Variants in LAMC1 observed in about 807,000 individuals in gnomAD.
LAMC1 encodes the protein laminin subunit gamma-1.
Under a neutral mutation model 173.6 loss-of-function variants are expected in LAMC1, and 38 were observed. That is an observed-to-expected ratio of 0.22 (90% CI 0.17 to 0.29). LAMC1 has a LOEUF of 0.29. Among genes scored for constraint, LAMC1 ranks in the 10% least tolerant of loss-of-function variants. The pLI is 1.00. For synonymous variants in LAMC1, 746 were observed against 749.1 expected, an observed-to-expected ratio of 1.00 and a Z score of 0.07; for missense variants, 1,824 against 2,051.8, an observed-to-expected ratio of 0.89 and a Z score of 2.14.
chr1:183,134,925 C>A, intron 23 of LAMC1, 116 bp downstream of exon 23: 1 of 1,345,152 alleles, frequency 7.4e-7, no homozygotes, highest in Non-Finnish European at 1.1e-6. Flanking sequence ...AGAGAGCAGC[C>A]TAACAGATTT....
At chr1:183,117,064 G>A in intron 8 of LAMC1, 161 bp downstream of exon 8, 1 of 771,836 alleles carries the variant, frequency 1.3e-6, no homozygotes, top group Non-Finnish European at 2.0e-6. Flanking sequence ...TTAATTTAAT[G>A]AAAATGTACT....
chr1:183,121,452 CAAAT>C (rs913844268), intron 11 of LAMC1, among the ~76,000 whole-genome samples: 2 of 151,988 alleles, frequency 1.3e-5, no homozygotes, highest in Non-Finnish European at 2.9e-5. Flanking sequence ...TATAAACAAA[CAAAT>C]AAATTAATAA....
chr1:183,081,818 T>C (rs1285316802), intron 1 of LAMC1, among the ~76,000 whole-genome samples: 1 of 152,168 alleles, frequency 6.6e-6, no homozygotes, highest in Non-Finnish European at 1.5e-5. Context: ...ATTCTAAGGA[T>C]TTGGACAAAT....
At chr1:183,131,865 A>G (rs994343601) in intron 20 of LAMC1, among the ~76,000 whole-genome samples, 3 of 152,258 alleles carry the variant, frequency 2.0e-5, no homozygotes, top group East Asian at 1.9e-4. Context: ...ATGTATACCA[A>G]TAATTTTTTT....
rs752610133 is a variant in LAMC1 at position 183,116,898 on chromosome 1, A to C, written c.1559A>C (p.Gln520Pro). 75 of 1,613,288 alleles carry C rather than the reference A, an allele frequency of 4.6e-5. No individual in the cohort carries two copies. Among genetic ancestry groups the C allele is most frequent in the Admixed American group, 8.3e-5 (5 of 59,938 alleles). The stretch of plus-strand genomic sequence containing the variant: ...GTTTATTCTATCTCCTCTACCTTTC[A>C]GATTGGTAATTTAGACCTCATCCCC... ...YSVYSISSTF[Q>P]IDEDGWRAEQ... The change falls in exon 8 of 28, where the codon CAG (glutamine) becomes CCG (proline). Residue 520 changes from glutamine (Q) to proline (P), a missense_variant. Transcript: ENST00000258341.
intron 1 of LAMC1, among the ~76,000 whole-genome samples, chr1:183,056,426 C>A (rs1158147706): frequency 1.3e-5 from 2 of 152,142 alleles, no homozygotes. Flanking sequence ...CCCTGTATGA[C>A]CTTACCAAAT....
chr1:183,028,741 A>G (rs1483732582), intron 1 of LAMC1, among the ~76,000 whole-genome samples: 4 of 152,188 alleles, frequency 2.6e-5, no homozygotes, highest in Non-Finnish European at 4.4e-5. Flanking sequence ...TTTCTTCTGC[A>G]TACTTCTTTT....
intron 18 of LAMC1, 72 bp from the exon 19 acceptor site, chr1:183,130,272 C>T (rs1656745126): frequency 1.5e-6 from 2 of 1,297,886 alleles, no homozygotes; most frequent in Admixed American, 3.5e-5. Flanking sequence ...ATACATAGGG[C>T]CTCAGATTTC....
rs1174207335 is a variant in LAMC1, at chr1:183,134,709, T to C, written c.3899T>C (p.Ile1300Thr). 4 of 1,613,284 alleles carry C rather than the reference T, an allele frequency of 2.5e-6. No homozygotes were observed. The highest frequency in any genetic ancestry group is 2.5e-6 in the Non-Finnish European group (3 of 1,179,590). The change falls in exon 23 of 28, where the codon ATT (isoleucine) becomes ACT (threonine). Residue 1300 changes from isoleucine to threonine, a missense_variant. Transcript: ENST00000258341. Reference sequence around the variant, plus strand: ...GAAGCTGAGAATCTGGAACAACTGATTGACCAGAAATTAAAAGATTATGAG... The same window carrying C: ...GAAGCTGAGAATCTGGAACAACTGACTGACCAGAAATTAAAAGATTATGAG... ...KMEAENLEQLIDQKLKDYEDL... is the reference protein window; with the variant it reads ...KMEAENLEQLTDQKLKDYEDL...
chr1:183,080,327 T>C (rs886726321), intron 1 of LAMC1, among the ~76,000 whole-genome samples: 1 of 152,266 alleles, frequency 6.6e-6, no homozygotes, highest in African/African-American at 2.4e-5. Context: ...GTTTCTAGGC[T>C]GTGTCCTTCA....
intron 1 of LAMC1, among the ~76,000 whole-genome samples, chr1:183,070,959 C>T (rs1654995516): frequency 6.6e-6 from 1 of 152,088 alleles, no homozygotes; most frequent in African/African-American, 2.4e-5. Flanking sequence ...GTGTGGGAGA[C>T]ATTTGTTCTC....
intron 1 of LAMC1, among the ~76,000 whole-genome samples, chr1:183,077,861 C>T (rs943147294): frequency 2.7e-5 from 4 of 149,004 alleles, no homozygotes; most frequent in East Asian, 2.0e-4. Context: ...CACGATTTTG[C>T]GATTGTGAAT....
intron 6 of LAMC1, among the ~76,000 whole-genome samples, chr1:183,116,262 A>AGGTC (rs746975938): frequency 6.6e-6 from 1 of 152,160 alleles, no homozygotes; most frequent in Non-Finnish European, 1.5e-5. Flanking sequence ...GCGGATCACA[A>AGGTC]GGTCAAGAGA....
chr1:183,121,581 G>A (rs1283029468), intron 11 of LAMC1, 142 bp from the exon 12 acceptor site: 14 of 640,694 alleles, frequency 2.2e-5, no homozygotes, highest in South Asian at 6.0e-5. Context: ...TGGATATCTC[G>A]TTTAGTGTAT....
intron 1 of LAMC1, among the ~76,000 whole-genome samples, chr1:183,069,214 C>T (rs1654949100): frequency 6.6e-6 from 1 of 152,106 alleles, no homozygotes; most frequent in South Asian, 2.1e-4. Context: ...AGCATTTTAA[C>T]TTGTTTCTTG....
intron 1 of LAMC1, among the ~76,000 whole-genome samples, chr1:183,024,669 A>T (rs1233322995): frequency 6.6e-6 from 1 of 152,170 alleles, no homozygotes; most frequent in Non-Finnish European, 1.5e-5. Flanking sequence ...TAAAACATAA[A>T]TTCACTTTTG....
At chr1:183,092,581 A>G (rs1655591963) in intron 1 of LAMC1, among the ~76,000 whole-genome samples, 2 of 152,286 alleles carry the variant, frequency 1.3e-5, no homozygotes, top group African/African-American at 2.4e-5. Context: ...TATGAGAACT[A>G]CTATAACAGG....
At chr1:183,089,999 A>G (rs1655525307) in intron 1 of LAMC1, among the ~76,000 whole-genome samples, 1 of 152,200 alleles carries the variant, frequency 6.6e-6, no homozygotes, top group South Asian at 2.1e-4. Flanking sequence ...TGGGCATGAT[A>G]AGAAGTCTCC....
chr1:183,064,883 A>C (rs551977852), intron 1 of LAMC1, among the ~76,000 whole-genome samples: 7 of 152,310 alleles, frequency 4.6e-5, no homozygotes, highest in African/African-American at 1.7e-4. Flanking sequence ...TCAGGAACCA[A>C]CTTTGCTAGG....
Sources: gnomAD v4.1 joint callset for allele counts (sites outside exome capture counted in the v4.1 genomes callset) on GRCh38, gnomAD v4.1.1 for gene constraint, MANE v1.5 for transcripts, NCBI Gene and HGNC (gene_info 2026-07-23, HGNC 2026-07-21) for gene names.